The following METTL21C variants were observed in gnomAD, a reference collection of about 807,000 sequenced individuals.
METTL21C encodes methyltransferase 21C, AARS1 lysine.
METTL21C carries 21 observed loss-of-function variants against 25.9 expected under a neutral mutation model. The observed-to-expected ratio is 0.81, with a 90% confidence interval of 0.58 to 1.17. The LOEUF (loss-of-function observed/expected upper bound fraction) is 1.17. Among genes scored for constraint, METTL21C ranks in the 50% most tolerant of loss-of-function variants. The pLI is 0.00. For synonymous variants in METTL21C, 125 were observed against 124.7 expected, an observed-to-expected ratio of 1.00 and a Z score of -0.01; for missense variants, 312 against 315.1, an observed-to-expected ratio of 0.99 and a Z score of 0.07.
the METTL21C span, among the ~76,000 whole-genome samples, chr13:102,702,783 G>T: frequency 3.2e-3 from 483 of 152,170 alleles, 1 homozygote; most frequent in Non-Finnish European, 5.2e-3. Context: ...TAGAGACAGG[G>T]TTTCACCATG....
chr13:102,692,547 A>T (rs77712511), intron 1 of METTL21C, among the ~76,000 whole-genome samples: 2,297 of 151,444 alleles, frequency 0.015, 44 homozygotes, highest in African/African-American at 0.046. Context: ...TGTATATTAC[A>T]AAAGTATCAG....
At chr13:102,693,959 C>T (rs1475876541) in intron 1 of METTL21C, among the ~76,000 whole-genome samples, 2 of 152,140 alleles carry the variant, frequency 1.3e-5, no homozygotes, top group Non-Finnish European at 2.9e-5. Context: ...TAACCCTAAA[C>T]TGTTACATTG....
At chr13:102,700,494 TG>T in the METTL21C span, among the ~76,000 whole-genome samples, 7 of 152,240 alleles carry the variant, frequency 4.6e-5, no homozygotes, top group Non-Finnish European at 8.8e-5. Context: ...CCAGGTTTCA[TG>T]TTATCAAAAT....
chr13:102,695,926 ATAT>A (rs1250179556), upstream of METTL21C, among the ~76,000 whole-genome samples: 2 of 152,226 alleles, frequency 1.3e-5, no homozygotes, highest in Admixed American at 1.3e-4. Context: ...ATATGTGTGT[ATAT>A]TTATATGCAT....
upstream of METTL21C, among the ~76,000 whole-genome samples, chr13:102,698,899 T>G (rs146750896): frequency 6.6e-6 from 1 of 152,204 alleles, no homozygotes; most frequent in Admixed American, 6.5e-5. Flanking sequence ...TCCAGAGATA[T>G]CAGCAGCAGG....
intron 2 of METTL21C, among the ~76,000 whole-genome samples, chr13:102,689,095 A>ATT (rs11419397): frequency 0.051 from 7,722 of 151,608 alleles, 437 homozygotes; most frequent in African/African-American, 0.13. Flanking sequence ...TTTTTTTTAA[A>ATT]ATTATTATTT....
intron 2 of METTL21C, 77 bp downstream of exon 2, chr13:102,690,736 A>T: frequency 6.6e-7 from 1 of 1,526,284 alleles, no homozygotes; most frequent in Non-Finnish European, 8.9e-7. Context: ...AACTTGACAA[A>T]TTGTCCAAGG....
chr13:102,694,871 CTT>C lies in METTL21C; in HGVS notation c.-375_-374del, dbSNP rs1207294392. Among the ~76,000 whole-genome samples the C allele has an allele frequency of 7.6e-3, 939 of 123,608 alleles. 13 individuals carry two copies. The highest frequency in any genetic ancestry group is 0.031 in the African/African-American group (824 of 26,814). 81.1% of individuals were successfully genotyped at this position (123,608 alleles called of 152,430 possible). ...ACATTACTTTGCTAGAATTCTCTCTCTTTCTCTCTCTCTCTCTCTCTCTCTCT... is the reference window on the plus strand; with the variant it reads ...ACATTACTTTGCTAGAATTCTCTCTCTCTCTCTCTCTCTCTCTCTCTCTCT... On this transcript the variant is annotated 5_prime_UTR_variant, in exon 1 of 4. Coordinates refer to ENST00000267273, the MANE Select transcript of METTL21C (RefSeq NM_001010977.3).
intron 1 of METTL21C, 90 bp downstream of exon 1, chr13:102,694,279 G>A (rs1386504671): frequency 1.0e-5 from 15 of 1,432,432 alleles, no homozygotes; most frequent in Middle Eastern, 1.9e-4. Flanking sequence ...AAAAGGAAAT[G>A]GAAATTCTTG....
At chr13:102,699,190 A>C (rs532114495), upstream of METTL21C, among the ~76,000 whole-genome samples, 1 of 152,282 alleles carries the variant, frequency 6.6e-6, no homozygotes, top group South Asian at 2.1e-4. Context: ...GTGCATACAT[A>C]CTTCCTTATT....
In METTL21C at chr13:102,686,023, T is replaced by A; in HGVS notation, c.*8A>T. ...CACAGTAACGTTGTGAAAGGCATTT[T>A]GTTGGATTTAGTCCCATTTTAGTAT... On this transcript the variant is annotated 3_prime_UTR_variant, in exon 4 of 4. Transcript: ENST00000267273. 6.4e-7 allele frequency: 1 copy of A among 1,551,868 alleles called. No individual in the cohort carries two copies. Among genetic ancestry groups the A allele is most frequent in the Non-Finnish European group, 8.7e-7 (1 of 1,147,930 alleles).
At chr13:102,703,516 G>A in the METTL21C span, among the ~76,000 whole-genome samples, 1 of 152,224 alleles carries the variant, frequency 6.6e-6, no homozygotes, top group Non-Finnish European at 1.5e-5. Context: ...TGAAGCAGGA[G>A]ATGAATGTAA....
At chr13:102,703,314 T>A in the METTL21C span, among the ~76,000 whole-genome samples, 1 of 152,196 alleles carries the variant, frequency 6.6e-6, no homozygotes, top group East Asian at 1.9e-4. Context: ...GCCCTGAGGG[T>A]TCTAGGTGCC....
In METTL21C at chr13:102,686,250, G is replaced by A. The variant is rs907906666; in HGVS notation, c.576C>T (p.Ala192=). ...AGTAGTGATGGTAGACCACATCTGA[G>A]GCTAGGACGTAATCATAGTAAAAAG... ...KSAFYYDYVL[A]SDVVYHHYFL... Residue 192 remains alanine (A), a synonymous_variant, in exon 4 of 4, where the codon GCC becomes GCT. Transcript: ENST00000267273. 2 of 1,614,070 alleles carry A rather than the reference G, an allele frequency of 1.2e-6. No individual in the cohort carries two copies. Among genetic ancestry groups the A allele is most frequent in the Non-Finnish European group, 1.7e-6 (2 of 1,180,038 alleles).
chr13:102,690,349 AG>A (rs1885795459), intron 2 of METTL21C, among the ~76,000 whole-genome samples: 1 of 151,352 alleles, frequency 6.6e-6, no homozygotes, highest in East Asian at 2.0e-4. Context: ...TGAACCCAGG[AG>A]GTGGAGGTTG....
chr13:102,704,121 AC>A, the METTL21C span, among the ~76,000 whole-genome samples: 3 of 152,180 alleles, frequency 2.0e-5, no homozygotes, highest in Admixed American at 6.5e-5. Context: ...ATCCAACTAA[AC>A]TTCTCTGTTT....
At chr13:102,687,736 A>G (rs772194545) in intron 2 of METTL21C, among the ~76,000 whole-genome samples, 2 of 152,234 alleles carry the variant, frequency 1.3e-5, no homozygotes, top group African/African-American at 2.4e-5. Context: ...AAGCCCTGAC[A>G]TGATGCTCAT....
the METTL21C span, among the ~76,000 whole-genome samples, chr13:102,704,045 GCAAA>G: frequency 3.0e-3 from 454 of 152,274 alleles, no homozygotes; most frequent in Non-Finnish European, 4.7e-3. Context: ...AAAACAAGCA[GCAAA>G]CAAACTGTCA....
In METTL21C at chr13:102,694,908, A is replaced by T. The variant is rs796409466; in HGVS notation, c.-410T>A. ...CTCTCTCTCTCTCTCTCTCACACAC[A>T]CACACACACACACACACACACGCAC... On this transcript the variant is annotated 5_prime_UTR_variant, in exon 1 of 4. Coordinates refer to ENST00000267273, the MANE Select transcript of METTL21C (RefSeq NM_001010977.3). Among the ~76,000 whole-genome samples, 1,270 of 137,626 alleles carry T rather than the reference A, an allele frequency of 9.2e-3. 9 individuals carry two copies. Among genetic ancestry groups the T allele is most frequent in the South Asian group, 0.016 (71 of 4,330 alleles). The allele number at this position is 137,626 out of a possible 152,430, so 90.3% of individuals were successfully genotyped here.
Sources: allele counts gnomAD v4.1 joint callset (sites outside exome capture counted in the v4.1 genomes callset), GRCh38; gene constraint gnomAD v4.1.1; transcripts MANE v1.5; gene names NCBI Gene and HGNC (gene_info 2026-07-23, HGNC 2026-07-21).